APMAP: variants seen among roughly 807,000 people sequenced by gnomAD.
The protein encoded by APMAP is adipocyte plasma membrane-associated protein.
Under a neutral mutation model 43.6 loss-of-function variants are expected in APMAP, and 33 were observed. That is an observed-to-expected ratio of 0.76 (90% CI 0.57 to 1.01). The LOEUF is 1.01. Among genes scored for constraint, APMAP ranks in the 50% least tolerant of loss-of-function variants. APMAP has a pLI of 0.00. For missense variants in APMAP, 498 were observed against 540.7 expected, an observed-to-expected ratio of 0.92 and a Z score of 0.78; for synonymous variants, 224 against 216.7, an observed-to-expected ratio of 1.03 and a Z score of -0.30.
chr20:24,990,761 G>A (rs1163638971), intron 1 of APMAP, among the ~76,000 whole-genome samples: 2 of 152,150 alleles, frequency 1.3e-5, no homozygotes, highest in Non-Finnish European at 2.9e-5. Flanking sequence ...AAATATAGGA[G>A]AAATGCAGAA....
In APMAP at chr20:24,992,030, C is replaced by T. The variant is rs533466997; in HGVS notation, c.95+564G>A. On this transcript the variant is annotated intron_variant, in intron 1 of 8. Coordinates refer to ENST00000217456, the MANE Select transcript of APMAP (RefSeq NM_020531.3). The stretch of plus-strand genomic sequence containing the variant: ...ACTGTTCTCCACTCTTTCCAAGAAC[C>T]GCGGTGAGGACTGGTCACGCAGCGT... Among the ~76,000 whole-genome samples, 6 of 152,298 alleles carry T rather than the reference C, an allele frequency of 3.9e-5. No individual in the cohort carries two copies. In the South Asian group the frequency reaches 6.2e-4, roughly 16 times the overall value.
intron 1 of APMAP, among the ~76,000 whole-genome samples, chr20:24,989,539 AT>A (rs1447675248): frequency 6.6e-6 from 1 of 152,194 alleles, no homozygotes; most frequent in African/African-American, 2.4e-5. Flanking sequence ...TTCACCTGTG[AT>A]TGTTGTGGAA....
At chr20:24,968,672 G>A (rs557244473) in intron 8 of APMAP, among the ~76,000 whole-genome samples, 1 of 152,306 alleles carries the variant, frequency 6.6e-6, no homozygotes, top group Non-Finnish European at 1.5e-5. Flanking sequence ...CCACGATGGT[G>A]AGGGTGACAA....
chr20:24,979,848 C>A lies in APMAP; in HGVS notation c.213-966G>T, dbSNP rs1250897301. Among the ~76,000 whole-genome samples, 7 of 152,306 alleles carry A rather than the reference C, an allele frequency of 4.6e-5. No homozygotes were observed. The South Asian group carries it at 8.3e-4, about 18-fold the overall frequency. On this transcript the variant is annotated intron_variant, in intron 2 of 8. Coordinates refer to ENST00000217456, the MANE Select transcript of APMAP (RefSeq NM_020531.3). ...TCTGCATCCCTCACACCAGCCCCTC[C>A]CTGCTGGGTCCTAACCACACCAGCA...
At chr20:24,969,280 G>A (rs1011678072) in intron 7 of APMAP, among the ~76,000 whole-genome samples, 196 bp from the exon 8 acceptor site, 1 of 152,240 alleles carries the variant, frequency 6.6e-6, no homozygotes, top group East Asian at 1.9e-4. Flanking sequence ...AAGTAGGTCA[G>A]GGGAGGACCA....
intron 3 of APMAP, among the ~76,000 whole-genome samples, chr20:24,977,378 T>C (rs1052602353): frequency 2.0e-5 from 3 of 152,226 alleles, no homozygotes; most frequent in Non-Finnish European, 4.4e-5. Flanking sequence ...AACCTAAAAC[T>C]GCTCTTAAAA....
rs577544823 is a variant in APMAP at position 24,983,599 on chromosome 20, T to C, written c.212+304A>G. Among the ~76,000 whole-genome samples, 64 of 152,332 alleles carry C rather than the reference T, an allele frequency of 4.2e-4. 1 individual carries two copies. In the South Asian group the frequency reaches 0.012, roughly 29 times the overall value. On this transcript the variant is annotated intron_variant, in intron 2 of 8. Coordinates refer to ENST00000217456, the MANE Select transcript of APMAP (RefSeq NM_020531.3). Reference sequence around the variant, plus strand: ...GTAACTGAAGCTCCATTTGTGTGTGTTTTTGCTACCTGAAATGAATTATAG... The same window carrying C: ...GTAACTGAAGCTCCATTTGTGTGTGCTTTTGCTACCTGAAATGAATTATAG...
intron 6 of APMAP, 39 bp downstream of exon 6, chr20:24,970,158 G>C: frequency 6.2e-7 from 1 of 1,611,152 alleles, no homozygotes; most frequent in South Asian, 1.1e-5. Context: ...GGCCTGGCTG[G>C]TGAACTCAAC....
chr20:24,970,207 C>A lies in APMAP; in HGVS notation c.703G>T (p.Asp235Tyr). Residue 235 changes from aspartate (D) to tyrosine (Y), a missense_variant, in exon 6 of 9, where the codon GAT becomes TAT. By Grantham distance (160) the Asp-to-Tyr change is radical (BLOSUM62 -3). Transcript: ENST00000217456. ...DYLLLVMEGT[D>Y]DGRLLEYDTV... ...GGAGCAAGGCCTCACCGCCCGTCATCTGTGCCCTCCATCACCAGAAGCAGG... is the reference window on the plus strand; with the variant it reads ...GGAGCAAGGCCTCACCGCCCGTCATATGTGCCCTCCATCACCAGAAGCAGG... 6.2e-7 allele frequency: 1 copy of A among 1,614,178 alleles called. No individual in the cohort carries two copies.
chr20:24,991,413 C>G (rs778097721), intron 1 of APMAP, among the ~76,000 whole-genome samples: 1 of 152,218 alleles, frequency 6.6e-6, no homozygotes, highest in Non-Finnish European at 1.5e-5. Context: ...TCCAGGGCAA[C>G]GCAGGATGGT....
At chr20:24,972,716 G>T (rs2088016436) in intron 4 of APMAP, among the ~76,000 whole-genome samples, 1 of 151,608 alleles carries the variant, frequency 6.6e-6, no homozygotes, top group Non-Finnish European at 1.5e-5. Flanking sequence ...TTCACTATAG[G>T]TGCTCACTGT....
chr20:24,966,365 C>A (rs2087942968), intron 8 of APMAP, among the ~76,000 whole-genome samples: 1 of 152,164 alleles, frequency 6.6e-6, no homozygotes, highest in African/African-American at 2.4e-5. Context: ...CTTACAAAAA[C>A]CACCTCTCTG....
In APMAP at chr20:24,973,626, G is replaced by C; in HGVS notation, c.421+19C>G. ...TGAAAGACTGGAAGAGACACATCGA[G>C]GGATTATCACCAACTTACTGCAAGG... On this transcript the variant is annotated intron_variant, in intron 4 of 8. Transcript: ENST00000217456. 7.5e-6 allele frequency: 12 copies of C among 1,601,904 alleles called. No individual in the cohort carries two copies. Among genetic ancestry groups the C allele is most frequent in the Non-Finnish European group, 1.0e-5 (12 of 1,169,228 alleles).
At chr20:24,973,519 A>G (rs1051956773) in intron 4 of APMAP, 126 bp downstream of exon 4, 15 of 847,450 alleles carry the variant, frequency 1.8e-5, no homozygotes, top group Non-Finnish European at 2.6e-5. Flanking sequence ...GTCATGTTCC[A>G]TCTACTAGAT....
In APMAP at chr20:24,969,078, G is replaced by A. The variant is rs749126475; in HGVS notation, c.855C>T (p.Tyr285=). The A allele has an allele frequency of 8.2e-6, 13 of 1,584,692 alleles. No individual in the cohort carries two copies. The highest frequency in any genetic ancestry group is 2.3e-5 in the East Asian group (1 of 44,310). ...CCCCGCCCTTCATCAGGCCAGAAACGTAGACTCTGAAAAATTCACCCAAGC... is the reference window on the plus strand; with the variant it reads ...CCCCGCCCTTCATCAGGCCAGAAACATAGACTCTGAAAAATTCACCCAAGC... ...ETTMARIRRV[Y]VSGLMKGGAD... is the part of the protein sequence containing the mutation. The change falls in exon 8 of 9, where the codon TAC becomes TAT. Residue 285 remains tyrosine, a synonymous_variant. Transcript: ENST00000217456.
At chr20:24,991,100 G>A (rs2122537434) in intron 1 of APMAP, among the ~76,000 whole-genome samples, 1 of 152,302 alleles carries the variant, frequency 6.6e-6, no homozygotes, top group East Asian at 1.9e-4. Context: ...CCAGAAGTGT[G>A]AGCCAGCCAA....
Position 24,969,101 on chromosome 20 carries a change from A to G in APMAP, c.849-17T>C. ...ACGTAGACTCTGAAAAATTCACCCA[A>G]GCAGAGAGTGAACCATAGCCCCTCA... On this transcript the variant is annotated splice_polypyrimidine_tract_variant and intron_variant, in intron 7 of 8. Coordinates refer to ENST00000217456, the MANE Select transcript of APMAP (RefSeq NM_020531.3). The G allele has an allele frequency of 6.4e-7, 1 of 1,567,318 alleles. No homozygotes were observed. The highest frequency in any genetic ancestry group is 8.6e-7 in the Non-Finnish European group (1 of 1,156,316).
Position 24,978,976 on chromosome 20 carries a change from G to GTCACCTGAGA in APMAP, c.213-95_213-94insTCTCAGGTGA. The GTCACCTGAGA allele has an allele frequency of 3.0e-6, 3 of 1,000,510 alleles. No homozygotes were observed. In the African/African-American group the frequency reaches 4.9e-5, roughly 16 times the overall value. The allele number at this position is 1,000,510 out of a possible 1,614,324, so 62.0% of individuals were successfully genotyped here. On this transcript the variant is annotated intron_variant, in intron 2 of 8. Coordinates refer to ENST00000217456, the MANE Select transcript of APMAP (RefSeq NM_020531.3). Reference sequence around the variant, plus strand: ...CTGCTCTCAGTTCTTTGATAAAGATGGCACTTTCTAACAACATCCTCAGTT... The same window carrying GTCACCTGAGA: ...CTGCTCTCAGTTCTTTGATAAAGATGTCACCTGAGAGCACTTTCTAACAACATCCTCAGTT...
intron 3 of APMAP, 48 bp downstream of exon 3, chr20:24,978,716 CAGA>C: frequency 9.6e-7 from 1 of 1,043,074 alleles, no homozygotes; most frequent in Non-Finnish European, 1.4e-6. Context: ...CCCGCCCCCT[CAGA>C]CAACAGACAG....
Sources: allele counts gnomAD v4.1 joint callset (sites outside exome capture counted in the v4.1 genomes callset), GRCh38; gene constraint gnomAD v4.1.1; transcripts MANE v1.5; gene names NCBI Gene and HGNC (gene_info 2026-07-23, HGNC 2026-07-21).